Variants in IQGAP1 observed in about 807,000 individuals in gnomAD.
IQGAP1 encodes ras GTPase-activating-like protein IQGAP1.
Under a neutral mutation model 215.6 loss-of-function variants are expected in IQGAP1, and 66 were observed. That is an observed-to-expected ratio of 0.31 (90% confidence interval 0.25 to 0.38). The LOEUF (loss-of-function observed/expected upper bound fraction) is 0.38, where lower values mean the gene tolerates loss of function less well. IQGAP1 is among the 10% of genes least tolerant of loss of function. IQGAP1 has a pLI of 1.00. For synonymous variants in IQGAP1, 772 were observed against 728.7 expected (o/e 1.06, Z -0.96); for missense variants, 1,712 against 1,997.1 (o/e 0.86, Z 2.72).
chr15:90,453,023 A>C (rs1374201939), intron 12 of IQGAP1, 85 bp downstream of exon 12: 1 of 1,559,124 alleles, frequency 6.4e-7, no homozygotes, highest in Non-Finnish European at 8.7e-7. Context: ...GTTAGGTAGA[A>C]CTTTTTTGCA....
intron 5 of IQGAP1, among the ~76,000 whole-genome samples, chr15:90,437,880 C>A (rs182696279): frequency 6.6e-6 from 1 of 152,116 alleles, no homozygotes; most frequent in Non-Finnish European, 1.5e-5. Context: ...CTGAGACAGG[C>A]GCTTTATATA....
Position 90,388,409 on chromosome 15 carries a change from C to T in IQGAP1, c.55+13C>T, listed in dbSNP as rs1266430763. The T allele has an allele frequency of 8.9e-6, 14 of 1,569,158 alleles. No homozygotes were observed. In the African/African-American group the frequency reaches 1.3e-4, roughly 14 times the overall value. ...CCGCACTATGGCTGTGAGTGCGGGG[C>T]TCCGCGGCGCGGGGGCTTCGGGCTG... is the stretch of plus-strand genomic sequence containing the variant. On this transcript the variant is annotated intron_variant, in intron 1 of 37. Coordinates refer to ENST00000268182, the MANE Select transcript of IQGAP1 (RefSeq NM_003870.4).
chr15:90,456,370 C>G (rs1439982740), intron 15 of IQGAP1, 55 bp downstream of exon 15: 25 of 1,563,040 alleles, frequency 1.6e-5, no homozygotes, highest in Non-Finnish European at 2.6e-6. Flanking sequence ...CCTCCTAGAA[C>G]AAAGGTAGAG....
rs1287879408 is a variant in IQGAP1 at position 90,491,500 on chromosome 15, G to A, written c.4416G>A (p.Val1472=). The A allele has an allele frequency of 1.2e-6, 2 of 1,614,156 alleles. No homozygotes were observed. Among genetic ancestry groups the A allele is most frequent in the Non-Finnish European group, 1.7e-6 (2 of 1,180,010 alleles). Residue 1472 remains valine (V), a synonymous_variant, in exon 34 of 38, where the codon GTG becomes GTA. Coordinates refer to ENST00000268182, the MANE Select transcript of IQGAP1 (RefSeq NM_003870.4). The part of the protein sequence containing the change: ...GLKKLTELGT[V]DPKNKYQELI... The stretch of plus-strand genomic sequence containing the variant: ...AGAAGCTAACAGAGCTTGGAACCGT[G>A]GACCCAAAGAACAAATACCAGGAAC...
In IQGAP1 at chr15:90,426,281, G is replaced by C. The variant is rs1965221837; in HGVS notation, c.312+15G>C. On this transcript the variant is annotated intron_variant, in intron 3 of 37. Coordinates refer to ENST00000268182, the MANE Select transcript of IQGAP1 (RefSeq NM_003870.4). ...CCAGATACAAGGTGAGTCCTTCCTT[G>C]CTTTGTGCTTAGATTTCTGTCAACT... is the stretch of plus-strand genomic sequence containing the variant. 6.4e-7 allele frequency: 1 copy of C among 1,573,296 alleles called. No homozygotes were observed. Among genetic ancestry groups the C allele is most frequent in the African/African-American group, 1.4e-5 (1 of 71,878 alleles).
chr15:90,486,119 C>G lies in IQGAP1; in HGVS notation c.4011C>G (p.Ile1337Met). 8 of 1,612,766 alleles carry G rather than the reference C, an allele frequency of 5.0e-6. No homozygotes were observed. Among genetic ancestry groups the G allele is most frequent in the Admixed American group, 1.7e-5 (1 of 59,970 alleles). ...LLDDLGEVPTIESLIGESSGN... is the reference protein window; with the variant it reads ...LLDDLGEVPTMESLIGESSGN... ...ACGACCTCGGCGAGGTGCCCACCAT[C>G]GAGTCCCTGATAGGTAGAGTTCTAA... Residue 1337 changes from isoleucine (I) to methionine (M), a missense_variant, in exon 31 of 38, where the codon ATC (isoleucine) becomes ATG (methionine). This residue lies in a region of IQGAP1 where 691 missense variants were observed against 923.0 expected (regional missense o/e 0.75). Transcript: ENST00000268182.
chr15:90,389,954 CAAA>C (rs5814431), intron 1 of IQGAP1, among the ~76,000 whole-genome samples: 45,560 of 125,052 alleles, frequency 0.36, 9,511 homozygotes, highest in African/African-American at 0.6. Context: ...GACCCTGTCT[CAAA>C]AAAAAAAAAA....
chr15:90,474,171 G>T lies in IQGAP1; in HGVS notation c.2575+38G>T, dbSNP rs1175187274. ...CTCCGCATGAAGAGTTGAGGCAGTGGCTGGGAGCCACCAAGTTCAGGGTAT... is the reference window on the plus strand; with the variant it reads ...CTCCGCATGAAGAGTTGAGGCAGTGTCTGGGAGCCACCAAGTTCAGGGTAT... On this transcript the variant is annotated intron_variant, in intron 22 of 37. Transcript: ENST00000268182. 11 of 1,550,940 alleles carry T rather than the reference G, an allele frequency of 7.1e-6. No homozygotes were observed. In the African/African-American group the frequency reaches 1.2e-4, roughly 17 times the overall value.
chr15:90,493,533 A>G (rs1777228704), intron 35 of IQGAP1, among the ~76,000 whole-genome samples: 2 of 152,222 alleles, frequency 1.3e-5, no homozygotes, highest in Admixed American at 1.3e-4. Flanking sequence ...GTAGTTTATT[A>G]TTTATTCCTA....
At chr15:90,495,649 T>A (rs1031562502) in intron 36 of IQGAP1, among the ~76,000 whole-genome samples, 2 of 139,528 alleles carry the variant, frequency 1.4e-5, no homozygotes, top group African/African-American at 5.3e-5. Context: ...CTTTTTCTTC[T>A]TCTTTTTTTT....
chr15:90,499,723 T>A (rs1226525629), intron 37 of IQGAP1, among the ~76,000 whole-genome samples: 1 of 152,230 alleles, frequency 6.6e-6, no homozygotes, highest in Non-Finnish European at 1.5e-5. Context: ...CCATGTATGA[T>A]GAATTTTGAT....
chr15:90,481,846 G>C (rs912711167), intron 26 of IQGAP1, 114 bp from the exon 27 acceptor site: 2 of 1,128,882 alleles, frequency 1.8e-6, no homozygotes, highest in Non-Finnish European at 2.5e-6. Flanking sequence ...GTGAGGATGA[G>C]CTTAAGCTAT....
intron 2 of IQGAP1, among the ~76,000 whole-genome samples, chr15:90,409,401 C>G (rs1293543918): frequency 6.6e-6 from 1 of 152,030 alleles, no homozygotes; most frequent in Non-Finnish European, 1.5e-5. Context: ...CAACAGCCAG[C>G]TAATTTTTGT....
chr15:90,497,220 A>G lies in IQGAP1; in HGVS notation c.4752-12A>G. 2 of 1,399,562 alleles carry G rather than the reference A, an allele frequency of 1.4e-6. No homozygotes were observed. Among genetic ancestry groups the G allele is most frequent in the Non-Finnish European group, 2.0e-6 (2 of 988,772 alleles). 86.7% of individuals were successfully genotyped at this position (1,399,562 alleles called of 1,614,324 possible). Reference sequence around the variant, plus strand: ...ATAAAAACCATACCCTTACGATGTTATCTTTCAACAGGTTTAAAAATGTTA... The same window carrying G: ...ATAAAAACCATACCCTTACGATGTTGTCTTTCAACAGGTTTAAAAATGTTA... On this transcript the variant is annotated splice_polypyrimidine_tract_variant and intron_variant, in intron 36 of 37. Transcript: ENST00000268182.
At chr15:90,439,545 G>A in intron 6 of IQGAP1, 146 bp downstream of exon 6, 4 of 568,612 alleles carry the variant, frequency 7.0e-6, no homozygotes, top group Non-Finnish European at 1.3e-5. Context: ...CTTCTCTAAT[G>A]TGGGGTAAAG....
chr15:90,495,004 TAA>T (rs1400157520), intron 36 of IQGAP1, among the ~76,000 whole-genome samples, 169 bp downstream of exon 36: 6 of 152,246 alleles, frequency 3.9e-5, no homozygotes, highest in Non-Finnish European at 8.8e-5. Flanking sequence ...TAATTTGTCA[TAA>T]AAGAGTTTTT....
At position 90,441,659 on chromosome 15, in the gene IQGAP1, A is replaced by G. The variant is rs769243678; in HGVS notation, c.803A>G (p.Asp268Gly). ...GATATACTTTACCAGGCTAAGCAGG[A>G]CAAAATGACAAATGCTAAAAACAGG... is the stretch of plus-strand genomic sequence containing the variant. Reference protein sequence around the residue: ...YQDILYQAKQDKMTNAKNRTE... With the variant: ...YQDILYQAKQGKMTNAKNRTE... Residue 268 changes from aspartate to glycine, a missense_variant, in exon 8 of 38, where the codon GAC becomes GGC. Asp to Gly is a moderately conservative substitution (Grantham distance 94). Coordinates refer to ENST00000268182, the MANE Select transcript of IQGAP1 (RefSeq NM_003870.4). The G allele has an allele frequency of 4.4e-6, 7 of 1,607,086 alleles. No individual in the cohort carries two copies. In the South Asian group the frequency reaches 7.8e-5, roughly 18 times the overall value.
At chr15:90,439,481 C>G (rs976484437) in intron 6 of IQGAP1, 82 bp downstream of exon 6, 1 of 1,093,526 alleles carries the variant, frequency 9.1e-7, no homozygotes, top group African/African-American at 1.6e-5. Context: ...TTTTGAAGAC[C>G]TAGGGCTTTA....
intron 15 of IQGAP1, among the ~76,000 whole-genome samples, chr15:90,462,627 G>A (rs2151027709): frequency 6.6e-6 from 1 of 152,272 alleles, no homozygotes. Context: ...GATGAGAAGT[G>A]CCCTTTAGAG....
Sources: allele counts gnomAD v4.1 joint callset (sites outside exome capture counted in the v4.1 genomes callset), GRCh38; gene constraint gnomAD v4.1.1; regional missense constraint gnomAD v4.1.1; transcripts MANE v1.5; gene names NCBI Gene and HGNC (gene_info 2026-07-23, HGNC 2026-07-21).